The following SPTA1 variants were observed in gnomAD, a reference collection of about 807,000 sequenced individuals.
The protein encoded by SPTA1 is spectrin alpha, erythrocytic 1, also known as spectrin alpha chain, erythrocytic 1.
SPTA1 carries 177 observed loss-of-function variants against 324.7 expected under a neutral mutation model. The observed-to-expected ratio is 0.55, with a 90% CI of 0.48 to 0.62. The LOEUF is 0.62. SPTA1 is among the 20% of genes least tolerant of loss of function. The probability of loss-of-function intolerance (pLI) is 0.00; values close to 1 mark genes in which losing one functional copy is unlikely to be tolerated. For missense variants in SPTA1, 3,162 were observed against 2,883.6 expected, an observed-to-expected ratio of 1.10 and a Z score of -2.21; for synonymous variants, 1,195 against 1,041.3, an observed-to-expected ratio of 1.15 and a Z score of -2.84.
chr1:158,618,688 A>C (rs1412222197), intron 45 of SPTA1, among the ~76,000 whole-genome samples: 1 of 152,214 alleles, frequency 6.6e-6, no homozygotes, highest in Non-Finnish European at 1.5e-5. Flanking sequence ...TTAGAACTTT[A>C]GTAGGTACAC....
chr1:158,677,645 C>T (rs1377943816), intron 7 of SPTA1, 45 bp downstream of exon 7: 1 of 1,609,574 alleles, frequency 6.2e-7, no homozygotes, highest in Non-Finnish European at 8.5e-7. Context: ...CAACAATTGC[C>T]TCTTCTAGCT....
Position 158,629,181 on chromosome 1 carries a change from ATATATCTC to A in SPTA1, c.5566-1466_5566-1459del, listed in dbSNP as rs200452802. On this transcript the variant is annotated intron_variant, in intron 39 of 51. Coordinates refer to ENST00000643759, the MANE Select transcript of SPTA1 (RefSeq NM_003126.4). The stretch of plus-strand genomic sequence containing the variant: ...AGATATGTCTATCAAGAGAGACAAA[ATATATCTC>A]TATCTATCTATCTATCTATCTATCT... Among the ~76,000 whole-genome samples the A allele has an allele frequency of 8.8e-3, 896 of 102,256 alleles. 7 individuals carry two copies. Among genetic ancestry groups the A allele is most frequent in the African/African-American group, 0.025 (776 of 31,132 alleles). The allele number at this position is 102,256 out of a possible 152,430, so 67.1% of individuals were successfully genotyped here.
chr1:158,623,104 T>C lies in SPTA1; in HGVS notation c.5999A>G (p.His2000Arg), dbSNP rs1429686624. ...CTCTTCAATGGCTTTAGACTGGTTG[T>C]GTTGAGCAGAAATCAGTTTGTCCTT... ...DLKDKLISAQ[H>R]NQSKAIEERY... The change falls in exon 43 of 52, where the codon CAC becomes CGC. Residue 2000 changes from histidine to arginine, a missense_variant. Transcript: ENST00000643759. 2 of 1,614,158 alleles carry C rather than the reference T, an allele frequency of 1.2e-6. No homozygotes were observed. The highest frequency in any genetic ancestry group is 1.1e-5 in the South Asian group (1 of 91,078).
chr1:158,649,790 A>T (rs763950185), intron 25 of SPTA1, 66 bp downstream of exon 25: 48 of 1,278,084 alleles, frequency 3.8e-5, no homozygotes, highest in Middle Eastern at 1.8e-4. Context: ...CCACCATAGT[A>T]ATAGACTTAG....
intron 33 of SPTA1, among the ~76,000 whole-genome samples, chr1:158,640,973 G>A (rs1651516981): frequency 1.3e-5 from 2 of 152,064 alleles, no homozygotes; most frequent in African/African-American, 2.4e-5. Flanking sequence ...ATAGACCAAC[G>A]GAACAGAACA....
In SPTA1 at chr1:158,642,460, T is replaced by C. The variant is rs375836488; in HGVS notation, c.4688A>G (p.Asn1563Ser). The change falls in exon 33 of 52, where the codon AAC (asparagine) becomes AGC (serine). Residue 1563 changes from asparagine to serine, a missense_variant. By Grantham distance (46) the Asn-to-Ser change is conservative. Transcript: ENST00000643759. ...ACAAGCGCTACACTCAATCAGGGAG[T>C]TCCCCAGGTTGATGACGCCATGCAC... Reference protein sequence around the residue: ...EQVHGVINLGNSLIECSACDG... With the variant: ...EQVHGVINLGSSLIECSACDG... The C allele has an allele frequency of 6.2e-7, 1 of 1,613,568 alleles. No individual in the cohort carries two copies. The highest frequency in any genetic ancestry group is 8.5e-7 in the Non-Finnish European group (1 of 1,179,708).
rs139385551 is a variant in SPTA1, at chr1:158,626,031, A to T, written c.5910+115T>A. 1,112 of 834,120 alleles carry T rather than the reference A, an allele frequency of 1.3e-3. 5 individuals carry two copies. In the African/African-American group the frequency reaches 0.016, roughly 12 times the overall value. 51.7% of individuals were successfully genotyped at this position (834,120 alleles called of 1,614,324 possible). A position where few individuals can be genotyped will look rare whatever the true frequency, so the allele number is the denominator to read the frequency against. On this transcript the variant is annotated intron_variant, in intron 42 of 51. Coordinates refer to ENST00000643759, the MANE Select transcript of SPTA1 (RefSeq NM_003126.4). ...GGAAATTATTAATATTAAGAAGGGA[A>T]AATCTTACAGAGGCTACAGACAATA...
At position 158,635,941 on chromosome 1, in the gene SPTA1, C is replaced by G; in HGVS notation, c.5404G>C (p.Glu1802Gln). The change falls in exon 38 of 52, where the codon GAG becomes CAG. Residue 1802 changes from glutamate (E) to glutamine (Q), a missense_variant. Coordinates refer to ENST00000643759, the MANE Select transcript of SPTA1 (RefSeq NM_003126.4). ...GCCTTGGCCAACTCTTTGAGCTTCT[C>G]CCAGTGTTCAACAAACTGAGCCAGC... ...LRLAQFVEHW[E>Q]KLKELAKARG... 1 of 1,614,176 alleles carries G rather than the reference C, an allele frequency of 6.2e-7. No individual in the cohort carries two copies. The highest frequency in any genetic ancestry group is 8.5e-7 in the Non-Finnish European group (1 of 1,180,018).
intron 1 of SPTA1, 85 bp from the exon 2 acceptor site, chr1:158,685,432 A>C: frequency 6.4e-7 from 1 of 1,569,910 alleles, no homozygotes; most frequent in African/African-American, 1.3e-5. Flanking sequence ...GTGTTTACTC[A>C]TGTTGGACCT....
Position 158,662,783 on chromosome 1 carries a change from G to A in SPTA1, c.2383C>T (p.Leu795=). The A allele has an allele frequency of 6.2e-7, 1 of 1,614,074 alleles. No homozygotes were observed. The highest frequency in any genetic ancestry group is 8.5e-7 in the Non-Finnish European group (1 of 1,179,998). The part of the protein sequence containing the change: ...RKKKLLDLLH[L]QLICRDTEDE... ...TCTGTGTCTCTACAAATCAGCTGCA[G>A]ATGGAGAAGGTCTAAGAGCTTCTTC... is the stretch of plus-strand genomic sequence containing the variant. The change falls in exon 17 of 52, where the codon CTG becomes TTG. Residue 795 remains leucine, a synonymous_variant. Coordinates refer to ENST00000643759, the MANE Select transcript of SPTA1 (RefSeq NM_003126.4).
chr1:158,674,516 T>A (rs377449335), intron 9 of SPTA1, 24 bp downstream of exon 9: 1 of 1,613,952 alleles, frequency 6.2e-7, no homozygotes, highest in African/African-American at 1.3e-5. Context: ...CCCCTCCTCC[T>A]ACTGGGCAGC....
In SPTA1 at chr1:158,681,606, C is replaced by G; in HGVS notation, c.452G>C (p.Gly151Ala). 1 of 1,613,808 alleles carries G rather than the reference C, an allele frequency of 6.2e-7. No individual in the cohort carries two copies. The highest frequency in any genetic ancestry group is 8.5e-7 in the Non-Finnish European group (1 of 1,179,806). ...CTTCAGGGCCCGCAGCAACTGGTCACCCTTCTCCAGGGTCAGCTCTAACAG... is the reference window on the plus strand; with the variant it reads ...CTTCAGGGCCCGCAGCAACTGGTCAGCCTTCTCCAGGGTCAGCTCTAACAG... ...DLLLELTLEKGDQLLRALKFQ... is the reference protein window; with the variant it reads ...DLLLELTLEKADQLLRALKFQ... Residue 151 changes from glycine to alanine, a missense_variant, in exon 4 of 52, where the codon GGT (glycine) becomes GCT (alanine). Physicochemically the swap from Gly to Ala is moderately conservative, Grantham distance 60. Coordinates refer to ENST00000643759, the MANE Select transcript of SPTA1 (RefSeq NM_003126.4).
At chr1:158,676,430 A>G in intron 7 of SPTA1, 135 bp from the exon 8 acceptor site, 1 of 902,578 alleles carries the variant, frequency 1.1e-6, no homozygotes, top group South Asian at 1.5e-5. Flanking sequence ...ATTTCTATTA[A>G]TATACTAATG....
In SPTA1 at chr1:158,610,885, C is replaced by T. The variant is rs976671141; in HGVS notation, c.*379G>A. 1.5e-5 allele frequency: 3 copies of T among 206,150 alleles called. No individual in the cohort carries two copies. Among genetic ancestry groups the T allele is most frequent in the Non-Finnish European group, 2.0e-5 (2 of 100,450 alleles). 12.8% of individuals were successfully genotyped at this position (206,150 alleles called of 1,614,324 possible). A position where few individuals can be genotyped will look rare whatever the true frequency, so the allele number is the denominator to read the frequency against. Reference sequence around the variant, plus strand: ...AGTTCCCAGAAATATAGAAGCTCAACATTTTACTTAACTTTGCCCCAAAAA... The same window carrying T: ...AGTTCCCAGAAATATAGAAGCTCAATATTTTACTTAACTTTGCCCCAAAAA... On this transcript the variant is annotated 3_prime_UTR_variant, in exon 52 of 52. Coordinates refer to ENST00000643759, the MANE Select transcript of SPTA1 (RefSeq NM_003126.4).
chr1:158,625,495 G>A (rs1045944416), intron 42 of SPTA1, among the ~76,000 whole-genome samples: 2 of 151,818 alleles, frequency 1.3e-5, no homozygotes, highest in Non-Finnish European at 2.9e-5. Context: ...AAAATAGACT[G>A]TTGCTGGATA....
In SPTA1 at chr1:158,618,069, G is replaced by C. The variant is rs1649686930; in HGVS notation, c.6531-13C>G. On this transcript the variant is annotated splice_polypyrimidine_tract_variant and intron_variant, in intron 45 of 51. Transcript: ENST00000643759. ...CAGAAAGTAAGCCCTGGACATGGAG[G>C]TCCGGAACAGGAATCACATGAGAGA... 1 of 1,609,626 alleles carries C rather than the reference G, an allele frequency of 6.2e-7. No individual in the cohort carries two copies. Among genetic ancestry groups the C allele is most frequent in the African/African-American group, 1.3e-5 (1 of 74,970 alleles).
chr1:158,619,126 C>A, intron 45 of SPTA1, 96 bp downstream of exon 45: 1 of 1,187,594 alleles, frequency 8.4e-7, no homozygotes, highest in South Asian at 1.2e-5. Context: ...AATACATGCT[C>A]TCAGAGTCTC....
intron 49 of SPTA1, 69 bp downstream of exon 49, chr1:158,614,184 C>T: frequency 8.1e-7 from 1 of 1,233,712 alleles, no homozygotes; most frequent in Admixed American, 1.8e-5. Flanking sequence ...GTGAGAGAAA[C>T]ATTATTTGTA....
Position 158,635,910 on chromosome 1 carries a change from C to A in SPTA1, c.5432+3G>T, listed in dbSNP as rs1036370920. On this transcript the variant is annotated splice_donor_region_variant and intron_variant, in intron 38 of 51. Coordinates refer to ENST00000643759, the MANE Select transcript of SPTA1 (RefSeq NM_003126.4). The stretch of plus-strand genomic sequence containing the variant: ...GGAACTGGGCCTTCTGTATCCCACT[C>A]ACCGGGCCTTGGCCAACTCTTTGAG... The A allele has an allele frequency of 1.2e-6, 2 of 1,614,176 alleles. No homozygotes were observed. The highest frequency in any genetic ancestry group is 1.7e-5 in the Admixed American group (1 of 60,004).
Sources: gnomAD v4.1 joint callset for allele counts (sites outside exome capture counted in the v4.1 genomes callset) on GRCh38, gnomAD v4.1.1 for gene constraint, MANE v1.5 for transcripts, NCBI Gene and HGNC (gene_info 2026-07-23, HGNC 2026-07-21) for gene names.